Variants in DIS3L2 observed in about 807,000 individuals in gnomAD.
DIS3L2 encodes DIS3 like 3'-5' exoribonuclease 2.
DIS3L2 carries 34 observed loss-of-function variants against 97.5 expected under a neutral mutation model. That is an observed-to-expected ratio of 0.35 (90% CI 0.27 to 0.46). The LOEUF (loss-of-function observed/expected upper bound fraction) is 0.46. Among genes scored for constraint, DIS3L2 ranks in the 20% least tolerant of loss-of-function variants. The pLI, the probability that DIS3L2 is intolerant of heterozygous loss-of-function variation, is 1.00. For synonymous variants in DIS3L2, 435 were observed against 445.2 expected, an observed-to-expected ratio of 0.98 and a Z score of 0.29; for missense variants, 1,038 against 1,146.0, an observed-to-expected ratio of 0.91 and a Z score of 1.36.
chr2:232,239,033 A>G (rs2106252911), intron 11 of DIS3L2, among the ~76,000 whole-genome samples: 1 of 152,304 alleles, frequency 6.6e-6, no homozygotes, highest in East Asian at 1.9e-4. Flanking sequence ...CTTTAAGGAA[A>G]TGTTTTCAAC....
chr2:232,098,319 C>T (rs1292741242), intron 6 of DIS3L2, among the ~76,000 whole-genome samples: 2 of 151,674 alleles, frequency 1.3e-5, no homozygotes, highest in African/African-American at 4.8e-5. Flanking sequence ...TGTATCTTCT[C>T]ATCTCTGCCA....
chr2:232,030,195 A>G, intron 5 of DIS3L2, 115 bp downstream of exon 5: 1 of 811,466 alleles, frequency 1.2e-6, no homozygotes, highest in South Asian at 1.6e-5. Flanking sequence ...GCGCTGTGAT[A>G]AGATGGGGTG....
chr2:232,041,135 C>T (rs1241246719), intron 5 of DIS3L2, among the ~76,000 whole-genome samples: 1 of 152,158 alleles, frequency 6.6e-6, no homozygotes, highest in African/African-American at 2.4e-5. Flanking sequence ...TATGATAGGA[C>T]ATTATGGAGA....
intron 5 of DIS3L2, among the ~76,000 whole-genome samples, chr2:232,056,050 AG>A (rs1276770134): frequency 1.3e-5 from 2 of 152,174 alleles, no homozygotes; most frequent in Non-Finnish European, 2.9e-5. Flanking sequence ...TCATGACTTT[AG>A]GGGCACCAAA....
chr2:232,141,935 C>T (rs1690057981), intron 8 of DIS3L2, among the ~76,000 whole-genome samples: 1 of 152,018 alleles, frequency 6.6e-6, no homozygotes, highest in African/African-American at 2.4e-5. Context: ...AAAATTAAAC[C>T]ATGACTAGAT....
At position 232,003,784 on chromosome 2, in the gene DIS3L2, A is replaced by G. The variant is rs548853262; in HGVS notation, c.-93-11051A>G. ...AGTTATTCCATTGTCTTTGGCTGGC[A>G]GGAAAGAAGACAATAAAAAATAAGG... On this transcript the variant is annotated intron_variant, in intron 1 of 20. Transcript: ENST00000325385. Among the ~76,000 whole-genome samples, 4 of 152,306 alleles carry G rather than the reference A, an allele frequency of 2.6e-5. No homozygotes were observed. In the East Asian group the frequency reaches 7.7e-4, roughly 29 times the overall value.
chr2:232,296,401 G>A (rs1694726601), intron 13 of DIS3L2, among the ~76,000 whole-genome samples: 1 of 152,198 alleles, frequency 6.6e-6, no homozygotes, highest in African/African-American at 2.4e-5. Flanking sequence ...AATTTAAGTG[G>A]TTTTTGTCAG....
At chr2:232,021,704 G>A (rs932329382) in intron 3 of DIS3L2, among the ~76,000 whole-genome samples, 1 of 152,182 alleles carries the variant, frequency 6.6e-6, no homozygotes, top group Non-Finnish European at 1.5e-5. Flanking sequence ...CAGCACCAAA[G>A]AGGTGCTAAT....
At chr2:232,118,954 A>G (rs973704958) in intron 6 of DIS3L2, among the ~76,000 whole-genome samples, 10 of 152,208 alleles carry the variant, frequency 6.6e-5, no homozygotes, top group East Asian at 3.9e-4. Context: ...CCTTTAATCT[A>G]TCTAGCTTCT....
At chr2:232,317,041 C>G (rs1450004808) in intron 14 of DIS3L2, among the ~76,000 whole-genome samples, 2 of 152,186 alleles carry the variant, frequency 1.3e-5, no homozygotes, top group Non-Finnish European at 2.9e-5. Context: ...GCCTCAGAAC[C>G]ACCAGTACCT....
intron 12 of DIS3L2, among the ~76,000 whole-genome samples, chr2:232,261,790 T>C (rs1693718559): frequency 6.6e-6 from 1 of 152,186 alleles, no homozygotes; most frequent in Non-Finnish European, 1.5e-5. Flanking sequence ...ACTTGCGGTT[T>C]AGAGAGACTC....
At chr2:232,247,583 A>T (rs1303295475) in intron 11 of DIS3L2, among the ~76,000 whole-genome samples, 1 of 107,752 alleles carries the variant, frequency 9.3e-6, no homozygotes, top group Non-Finnish European at 1.8e-5. Context: ...ATACGGTCAC[A>T]CTGGGGGTTA....
At chr2:231,979,703 G>C (rs1284697839) in intron 1 of DIS3L2, among the ~76,000 whole-genome samples, 7 of 151,958 alleles carry the variant, frequency 4.6e-5, no homozygotes, top group Admixed American at 4.6e-4. Context: ...TCAGCCTCCT[G>C]AGTAGCTGGG....
rs777027364 is a variant in DIS3L2 at position 232,330,792 on chromosome 2, C to A, written c.2010+16C>A. 9 of 1,605,358 alleles carry A rather than the reference C, an allele frequency of 5.6e-6. No individual in the cohort carries two copies. Among genetic ancestry groups the A allele is most frequent in the African/African-American group, 1.3e-5 (1 of 74,922 alleles). On this transcript the variant is annotated intron_variant, in intron 16 of 20. Transcript: ENST00000325385. ...GCCCATGCAGGTAAGGAGGGCCCAG[C>A]CCCGGCCTCCCCTGCTCCCAGGAGC...
Position 232,334,488 on chromosome 2 carries a change from G to A in DIS3L2, c.2278G>A (p.Val760Ile), listed in dbSNP as rs397834106. Residue 760 changes from valine (V) to isoleucine (I), a missense_variant, in exon 18 of 21, where the codon GTT becomes ATT. By Grantham distance (29) the Val-to-Ile change is conservative. Coordinates refer to ENST00000325385, the MANE Select transcript of DIS3L2 (RefSeq NM_152383.5). ...QELSTSLFFA[V>I]LVKESGPLES... ...GCTCAGTACCAGTCTCTTCTTTGCT[G>A]TTCTGGTCAAGGTGAGCCCTCCAGC... The A allele has an allele frequency of 1.9e-6, 3 of 1,613,894 alleles. No homozygotes were observed. Among genetic ancestry groups the A allele is most frequent in the African/African-American group, 1.3e-5 (1 of 75,060 alleles).
At chr2:231,964,227 C>T (rs1692646030) in intron 1 of DIS3L2, among the ~76,000 whole-genome samples, 1 of 152,100 alleles carries the variant, frequency 6.6e-6, no homozygotes, top group Non-Finnish European at 1.5e-5. Flanking sequence ...TTCCATTGTT[C>T]TATAGGTGTG....
intron 1 of DIS3L2, among the ~76,000 whole-genome samples, chr2:231,970,388 A>G (rs915580814): frequency 2.6e-5 from 4 of 152,236 alleles, no homozygotes; most frequent in Non-Finnish European, 5.9e-5. Flanking sequence ...ACTTTCACAA[A>G]TCTAGATGTT....
At chr2:232,343,560 C>A in exon 14 of DIS3L2, 1 of 1,571,650 alleles carries the variant, frequency 6.4e-7, no homozygotes, top group Admixed American at 1.9e-5. Flanking sequence ...AGCAGACAAC[C>A]CAGTTGCAGA....
chr2:232,270,860 G>GTCTCTCTCTCTCTCTCTCTC (rs71056262), intron 13 of DIS3L2, among the ~76,000 whole-genome samples: 10 of 103,868 alleles, frequency 9.6e-5, no homozygotes, highest in South Asian at 4.0e-4. Flanking sequence ...TCTTTTTCTC[G>GTCTCTCTCTCTCTCTCTCTC]TCTCTCTCTC....
Sources: gnomAD v4.1 joint callset for allele counts (sites outside exome capture counted in the v4.1 genomes callset) on GRCh38, gnomAD v4.1.1 for gene constraint, MANE v1.5 for transcripts, NCBI Gene and HGNC (gene_info 2026-07-23, HGNC 2026-07-21) for gene names.